The following SEC22C variants were observed in gnomAD, a reference collection of about 807,000 sequenced individuals.
SEC22C encodes vesicle-trafficking protein SEC22c.
SEC22C carries 29 observed loss-of-function variants against 34.7 expected under a neutral mutation model. The observed-to-expected ratio is 0.84, with a 90% CI of 0.62 to 1.14. The LOEUF (loss-of-function observed/expected upper bound fraction) is 1.14, where lower values mean the gene tolerates loss of function less well. Among genes scored for constraint, SEC22C ranks in the 50% most tolerant of loss-of-function variants. SEC22C has a pLI of 0.00. For missense variants in SEC22C, 337 were observed against 369.0 expected (o/e 0.91, Z 0.71); for synonymous variants, 117 against 132.8 (o/e 0.88, Z 0.82).
Position 42,569,028 on chromosome 3 carries a change from C to CA in SEC22C, c.18dup (p.Ala7CysfsTer17). On this transcript the variant is annotated frameshift_variant, in exon 2 of 7. Transcript: ENST00000264454. LOFTEE classifies it high-confidence loss of function. The stretch of plus-strand genomic sequence containing the variant: ...CCATCCCTTACCCGTACCACGCAGG[C>CA]AAAAAAGATCACGGACATGGTCCAC... 6.2e-7 allele frequency: 1 copy of CA among 1,611,636 alleles called. No individual in the cohort carries two copies. Among genetic ancestry groups the CA allele is most frequent in the African/African-American group, 1.3e-5 (1 of 74,718 alleles).
chr3:42,564,731 C>T (rs1703129997), intron 2 of SEC22C, among the ~76,000 whole-genome samples: 1 of 152,198 alleles, frequency 6.6e-6, no homozygotes, highest in Admixed American at 6.5e-5. Flanking sequence ...TGTGGCCTGA[C>T]AAGAACTTTC....
chr3:42,548,875 C>G lies in SEC22C; in HGVS notation c.*4373G>C. The stretch of plus-strand genomic sequence containing the variant: ...CTTCATGTACCAGGTGAATGTAAAG[C>G]CTTTCTCCTCCCACACACAATGGAC... On this transcript the variant is annotated 3_prime_UTR_variant, in exon 7 of 7. Transcript: ENST00000264454. The G allele has an allele frequency of 7.3e-7, 1 of 1,378,590 alleles. No homozygotes were observed. The allele number at this position is 1,378,590 out of a possible 1,614,324, so 85.4% of individuals were successfully genotyped here. A position where few individuals can be genotyped will look rare whatever the true frequency, so the allele number is the denominator to read the frequency against.
In SEC22C at chr3:42,551,097, G is replaced by A. The variant is rs1702234847; in HGVS notation, c.*2151C>T. On this transcript the variant is annotated 3_prime_UTR_variant, in exon 7 of 7. Transcript: ENST00000264454. ...TTAGCCAGGATGGTCTCGATCTCTT[G>A]ACCTCGTGATCTGCCCACCTCAGCT... is the stretch of plus-strand genomic sequence containing the variant. 3 of 977,232 alleles carry A rather than the reference G, an allele frequency of 3.1e-6. No individual in the cohort carries two copies. In the South Asian group the frequency reaches 1.4e-4, roughly 46 times the overall value. 60.5% of individuals were successfully genotyped at this position (977,232 alleles called of 1,614,324 possible).
chr3:42,594,797 G>T, intron 1 of SEC22C: 1 of 235,224 alleles, frequency 4.3e-6, no homozygotes, highest in Non-Finnish European at 8.3e-6. Context: ...GACATCACTG[G>T]GATGTTCAAG....
chr3:42,599,147 A>G lies in SEC22C; in HGVS notation c.-28+1813T>C, dbSNP rs1003217075. Reference sequence around the variant, plus strand: ...CGCCCGGCTAATTTTTTGTATTTTTAGTAGAGAAAGGGTTTCACCGTGTTA... The same window carrying G: ...CGCCCGGCTAATTTTTTGTATTTTTGGTAGAGAAAGGGTTTCACCGTGTTA... On this transcript the variant is annotated intron_variant, in intron 1 of 6. Transcript: ENST00000417572. Among the ~76,000 whole-genome samples, 7 of 151,172 alleles carry G rather than the reference A, an allele frequency of 4.6e-5. 1 individual carries two copies. Among genetic ancestry groups the G allele is most frequent in the Non-Finnish European group, 1.0e-4 (7 of 67,786 alleles).
intron 1 of SEC22C, among the ~76,000 whole-genome samples, chr3:42,588,948 C>A (rs77883473): frequency 1.3e-5 from 2 of 152,024 alleles, no homozygotes; most frequent in Admixed American, 6.6e-5. Flanking sequence ...ACTTCTCTCA[C>A]CGGGTTTACC....
chr3:42,589,031 G>A (rs1015965374), intron 1 of SEC22C, among the ~76,000 whole-genome samples: 2 of 151,992 alleles, frequency 1.3e-5, no homozygotes, highest in African/African-American at 2.4e-5. Context: ...TTTGGAGGCC[G>A]AAGCGGGCGG....
Position 42,551,114 on chromosome 3 carries a change from A to C in SEC22C, c.*2134T>G, listed in dbSNP as rs1268199715. On this transcript the variant is annotated 3_prime_UTR_variant, in exon 7 of 7. Transcript: ENST00000264454. ...GATCTCTTGACCTCGTGATCTGCCC[A>C]CCTCAGCTTCCCAAAGTGTTATTGA... 8 of 984,056 alleles carry C rather than the reference A, an allele frequency of 8.1e-6. No homozygotes were observed. The highest frequency in any genetic ancestry group is 4.7e-5 in the South Asian group (1 of 21,250). 61.0% of individuals were successfully genotyped at this position (984,056 alleles called of 1,614,324 possible). A position where few individuals can be genotyped will look rare whatever the true frequency, so the allele number is the denominator to read the frequency against.
intron 1 of SEC22C, among the ~76,000 whole-genome samples, chr3:42,592,724 T>C (rs750818946): frequency 1.3e-5 from 2 of 152,218 alleles, no homozygotes; most frequent in Non-Finnish European, 2.9e-5. Context: ...ATATGAAAAA[T>C]GGTTGCAAAA....
In SEC22C at chr3:42,550,331, C is replaced by A. The variant is rs1411100685; in HGVS notation, c.*2917G>T. On this transcript the variant is annotated 3_prime_UTR_variant, in exon 7 of 7. Coordinates refer to ENST00000264454, the MANE Select transcript of SEC22C (RefSeq NM_032970.4). ...TACTGGGAAAACAAAAGTGCTACAA[C>A]AACAGTGAGTCCATGGTGGAGTGAG... 2 of 985,340 alleles carry A rather than the reference C, an allele frequency of 2.0e-6. No homozygotes were observed. Among genetic ancestry groups the A allele is most frequent in the African/African-American group, 3.5e-5 (2 of 57,236 alleles). 61.0% of individuals were successfully genotyped at this position (985,340 alleles called of 1,614,324 possible). A position where few individuals can be genotyped will look rare whatever the true frequency, so the allele number is the denominator to read the frequency against.
chr3:42,554,322 A>T (rs948290192), intron 6 of SEC22C, among the ~76,000 whole-genome samples: 1 of 152,076 alleles, frequency 6.6e-6, no homozygotes, highest in Admixed American at 6.6e-5. Flanking sequence ...TGGGTTGAAA[A>T]TTTCTTTTTG....
rs140147438 is a variant in SEC22C at position 42,557,646 on chromosome 3, T to C, written c.577A>G (p.Ile193Val). ...AGGGCAGCACACATGATGTTGAGAA[T>C]GAGGGAGAGGATACCCAGGGCTGTC... is the stretch of plus-strand genomic sequence containing the variant. ...PVTALGILSL[I>V]LNIMCAALNL... Residue 193 changes from isoleucine (I) to valine (V), a missense_variant, in exon 5 of 7, where the codon ATT becomes GTT. Ile to Val is a conservative substitution (Grantham distance 29, BLOSUM62 3). Transcript: ENST00000264454. The C allele has an allele frequency of 2.2e-5, 35 of 1,612,100 alleles. No homozygotes were observed. The African/African-American group carries it at 3.7e-4, about 17-fold the overall frequency.
intron 1 of SEC22C, among the ~76,000 whole-genome samples, chr3:42,595,330 A>G (rs1704997042): frequency 6.6e-6 from 1 of 152,216 alleles, no homozygotes; most frequent in Admixed American, 6.6e-5. Flanking sequence ...TGTTTACCCT[A>G]GAATTCTCTC....
At position 42,587,565 on chromosome 3, in the gene SEC22C, GA is replaced by G. The variant is rs34952650; in HGVS notation, c.-28+13394del. Reference sequence around the variant, plus strand: ...AACACAGTGGAACCCCGTCTCTACTGAAAAAAAAAAAATACAAAAAATTAGC... The same window carrying G: ...AACACAGTGGAACCCCGTCTCTACTGAAAAAAAAAAATACAAAAAATTAGC... On this transcript the variant is annotated intron_variant, in intron 1 of 6. Transcript: ENST00000417572. 4.6e-3 allele frequency: 661 copies of G among 142,780 alleles called. 4 individuals carry two copies. Among genetic ancestry groups the G allele is most frequent in the African/African-American group, 0.011 (437 of 39,106 alleles). The allele number at this position is 142,780 out of a possible 1,614,324, so 8.8% of individuals were successfully genotyped here.
At chr3:42,600,055 C>T (rs1367065255) in intron 1 of SEC22C, among the ~76,000 whole-genome samples, 2 of 152,178 alleles carry the variant, frequency 1.3e-5, no homozygotes, top group Non-Finnish European at 2.9e-5. Context: ...TCATTCAGAG[C>T]ATACATATAT....
In SEC22C at chr3:42,552,134, G is replaced by A. The variant is rs1040519751; in HGVS notation, c.*1114C>T. ...CAATCAATTTTTTGACAGTGAAAGA[G>A]AGTAACTTTCCAGAGTATGTGTTAA... is the stretch of plus-strand genomic sequence containing the variant. On this transcript the variant is annotated 3_prime_UTR_variant, in exon 7 of 7. Coordinates refer to ENST00000264454, the MANE Select transcript of SEC22C (RefSeq NM_032970.4). The A allele has an allele frequency of 3.0e-6, 3 of 985,234 alleles. No homozygotes were observed. Among genetic ancestry groups the A allele is most frequent in the Admixed American group, 6.1e-5 (1 of 16,266 alleles). The allele number at this position is 985,234 out of a possible 1,614,324, so 61.0% of individuals were successfully genotyped here.
chr3:42,568,437 G>A (rs35216140), intron 2 of SEC22C, among the ~76,000 whole-genome samples: 4 of 151,978 alleles, frequency 2.6e-5, no homozygotes, highest in East Asian at 3.9e-4. Context: ...CCTGAGATCT[G>A]GAATTCGAGA....
intron 1 of SEC22C, among the ~76,000 whole-genome samples, chr3:42,588,204 C>T (rs1245682359): frequency 2.6e-5 from 4 of 152,018 alleles, no homozygotes; most frequent in Non-Finnish European, 5.9e-5. Context: ...GAGTTCAAGA[C>T]CAGCCTGGCC....
intron 2 of SEC22C, chr3:42,565,767 C>T (rs1703198201): frequency 2.4e-6 from 1 of 412,300 alleles, no homozygotes; most frequent in African/African-American, 2.1e-5. Flanking sequence ...GAACATGGCC[C>T]TGCGATACCT....
Sources: allele counts gnomAD v4.1 joint callset (sites outside exome capture counted in the v4.1 genomes callset), GRCh38; gene constraint gnomAD v4.1.1; transcripts MANE v1.5; gene names NCBI Gene and HGNC (gene_info 2026-07-23, HGNC 2026-07-21).